The following SPHKAP variants were observed in gnomAD, a reference collection of about 807,000 sequenced individuals.
SPHKAP encodes SPHK1 interactor, AKAP domain containing.
Under a neutral mutation model 137.5 loss-of-function variants are expected in SPHKAP, and 67 were observed. That is an observed-to-expected ratio of 0.49 (90% confidence interval 0.40 to 0.60). SPHKAP has a LOEUF of 0.60. SPHKAP is among the 20% of genes least tolerant of loss of function. SPHKAP has a pLI of 0.00. For missense variants in SPHKAP, 2,097 were observed against 2,069.3 expected (o/e 1.01, Z -0.26); for synonymous variants, 813 against 785.3 (o/e 1.04, Z -0.59).
chr2:228,117,105 A>C (rs892682017), intron 2 of SPHKAP, among the ~76,000 whole-genome samples: 1 of 152,110 alleles, frequency 6.6e-6, no homozygotes, highest in Non-Finnish European at 1.5e-5. Flanking sequence ...GCTTCCCACT[A>C]TCTATGAGTA....
At chr2:228,001,430 TATAA>T (rs1285168555) in intron 7 of SPHKAP, among the ~76,000 whole-genome samples, 4 of 138,774 alleles carry the variant, frequency 2.9e-5, no homozygotes, top group African/African-American at 5.2e-5. Context: ...TATATACATA[TATAA>T]ATATATATAT....
chr2:228,044,277 C>T (rs1356259798), intron 3 of SPHKAP, among the ~76,000 whole-genome samples: 1 of 152,200 alleles, frequency 6.6e-6, no homozygotes, highest in African/African-American at 2.4e-5. Context: ...AGTGACTCTA[C>T]ATAGGGAAGT....
At chr2:228,043,818 AT>A in intron 3 of SPHKAP, among the ~76,000 whole-genome samples, 1 of 152,178 alleles carries the variant, frequency 6.6e-6, no homozygotes. Flanking sequence ...CTAAGCTTCC[AT>A]TAAAGACTTT....
At chr2:228,140,643 T>C (rs976071374) in intron 1 of SPHKAP, among the ~76,000 whole-genome samples, 2 of 152,136 alleles carry the variant, frequency 1.3e-5, no homozygotes, top group South Asian at 2.1e-4. Context: ...AATCTCATGT[T>C]GAATTATAAT....
chr2:228,137,962 A>G (rs972636767), intron 1 of SPHKAP, among the ~76,000 whole-genome samples: 2 of 152,186 alleles, frequency 1.3e-5, no homozygotes, highest in Non-Finnish European at 2.9e-5. Flanking sequence ...AGTGTCTCCT[A>G]TCTTCCTCTT....
chr2:228,139,094 A>G (rs746266232), intron 1 of SPHKAP, among the ~76,000 whole-genome samples: 22 of 152,316 alleles, frequency 1.4e-4, no homozygotes, highest in Non-Finnish European at 2.8e-4. Context: ...CTCTAATTCA[A>G]TCTTGATTAT....
At chr2:228,022,036 C>T in intron 5 of SPHKAP, 70 bp from the exon 6 acceptor site, 6 of 1,475,510 alleles carry the variant, frequency 4.1e-6, no homozygotes, top group South Asian at 1.5e-5. Context: ...CTGAGCTTTC[C>T]TTTTCCACCA....
At chr2:228,087,839 GAGAGAGAGGAGAA>G (rs2106322506) in intron 3 of SPHKAP, among the ~76,000 whole-genome samples, 1 of 152,146 alleles carries the variant, frequency 6.6e-6, no homozygotes, top group Non-Finnish European at 1.5e-5. Context: ...GGGAATATCA[GAGAGAGAGGAGAA>G]AGAGAGAGGA....
intron 1 of SPHKAP, among the ~76,000 whole-genome samples, chr2:228,151,085 C>G: frequency 7.3e-6 from 1 of 136,436 alleles, no homozygotes; most frequent in Non-Finnish European, 1.6e-5. Flanking sequence ...CCTCCCCGCT[C>G]CCCCCACCCC....
chr2:228,012,003 C>CA (rs1156826676), intron 7 of SPHKAP, among the ~76,000 whole-genome samples: 5 of 151,266 alleles, frequency 3.3e-5, no homozygotes, highest in African/African-American at 1.2e-4. Flanking sequence ...TCCATCTCCA[C>CA]AAAAAAATTA....
chr2:228,146,822 C>G (rs1010650362), intron 1 of SPHKAP, among the ~76,000 whole-genome samples: 7 of 152,200 alleles, frequency 4.6e-5, no homozygotes, highest in East Asian at 1.9e-4. Context: ...CATATAGGTT[C>G]ATTCCATGTC....
intron 3 of SPHKAP, among the ~76,000 whole-genome samples, chr2:228,091,968 C>T (rs13385729): frequency 0.051 from 7,747 of 151,888 alleles, 231 homozygotes; most frequent in South Asian, 0.08. Context: ...TACTTGAACA[C>T]GCATGTTTAC....
At chr2:228,088,893 A>G (rs1697626057) in intron 3 of SPHKAP, among the ~76,000 whole-genome samples, 1 of 151,798 alleles carries the variant, frequency 6.6e-6, no homozygotes, top group Non-Finnish European at 1.5e-5. Flanking sequence ...TCCAATTAAA[A>G]CCTCTCTTCT....
At position 228,171,095 on chromosome 2, in the gene SPHKAP, T is replaced by C. The variant is rs184920461; in HGVS notation, c.32+10472A>G. ...ATTGTATAGACATTATTTTTTCTTA[T>C]GGAAAAGTAAAGAAGGTATTTAGAC... is the stretch of plus-strand genomic sequence containing the variant. On this transcript the variant is annotated intron_variant, in intron 1 of 11. Coordinates refer to ENST00000392056, the MANE Select transcript of SPHKAP (RefSeq NM_001142644.2). 2.1e-3 allele frequency among the ~76,000 whole-genome samples: 323 copies of C among 152,222 alleles called. 6 individuals are homozygous for C. Among genetic ancestry groups the C allele is most frequent in the Non-Finnish European group, 5.0e-4 (34 of 67,962 alleles).
chr2:228,054,220 A>G (rs1466985972), intron 3 of SPHKAP, among the ~76,000 whole-genome samples: 1 of 152,210 alleles, frequency 6.6e-6, no homozygotes, highest in Non-Finnish European at 1.5e-5. Flanking sequence ...AGAGAAAGGA[A>G]GGAGTGGTCA....
chr2:228,058,250 A>G (rs1696514261), intron 3 of SPHKAP, among the ~76,000 whole-genome samples: 1 of 152,208 alleles, frequency 6.6e-6, no homozygotes, highest in Non-Finnish European at 1.5e-5. Context: ...GGCAATGTCT[A>G]GAGAAAACTT....
chr2:227,980,584 A>C lies in SPHKAP; in HGVS notation c.*1133T>G, dbSNP rs557381830. 2.8e-4 allele frequency: 42 copies of C among 152,338 alleles called. No homozygotes were observed. The highest frequency in any genetic ancestry group is 9.6e-4 in the African/African-American group (40 of 41,586). 9.4% of individuals were successfully genotyped at this position (152,338 alleles called of 1,614,324 possible). A position where few individuals can be genotyped will look rare whatever the true frequency, so the allele number is the denominator to read the frequency against. On this transcript the variant is annotated 3_prime_UTR_variant, in exon 12 of 12. Coordinates refer to ENST00000392056, the MANE Select transcript of SPHKAP (RefSeq NM_001142644.2). ...GTAAATCTCTGTTATTAAAATAACTAAAATGTGTCAAAGTCTTCTTTTCCC... is the reference window on the plus strand; with the variant it reads ...GTAAATCTCTGTTATTAAAATAACTCAAATGTGTCAAAGTCTTCTTTTCCC...
intron 3 of SPHKAP, among the ~76,000 whole-genome samples, chr2:228,052,141 G>T (rs1297265526): frequency 6.6e-6 from 1 of 151,444 alleles, no homozygotes; most frequent in African/African-American, 2.4e-5. Context: ...AAATTTAATT[G>T]AAGTATTGGA....
chr2:228,181,444 CCT>C lies in SPHKAP; in HGVS notation c.32+121_32+122del. On this transcript the variant is annotated intron_variant, in intron 1 of 11. Transcript: ENST00000392056. This position sits in a 1 kb window ranked among gnomAD's most constrained non-coding sequence, Gnocchi z 4.3. ...GGACTTATTTACAAGTGCAGTGACCCCTGTCTCCTCGCTGGGAGCCCCGTGCA... is the reference window on the plus strand; with the variant it reads ...GGACTTATTTACAAGTGCAGTGACCCGTCTCCTCGCTGGGAGCCCCGTGCA... 2 of 1,344,292 alleles carry C rather than the reference CCT, an allele frequency of 1.5e-6. No homozygotes were observed. The highest frequency in any genetic ancestry group is 2.1e-6 in the Non-Finnish European group (2 of 936,160). The allele number at this position is 1,344,292 out of a possible 1,614,324, so 83.3% of individuals were successfully genotyped here.
Sources: allele counts gnomAD v4.1 joint callset (sites outside exome capture counted in the v4.1 genomes callset), GRCh38; gene constraint gnomAD v4.1.1; non-coding constraint Gnocchi (gnomAD v3.1); transcripts MANE v1.5; gene names NCBI Gene and HGNC (gene_info 2026-07-23, HGNC 2026-07-21).